Variants in USP46 observed in about 807,000 individuals in gnomAD.
USP46 encodes the protein ubiquitin specific peptidase 46.
A neutral mutation model predicts 44.4 loss-of-function variants in USP46; 12 were observed. The observed-to-expected ratio is 0.27, with a 90% CI of 0.17 to 0.44. USP46 has a LOEUF of 0.44. Ranked by LOEUF, USP46 falls within the 20% of genes least tolerant of loss-of-function variation. The pLI is 1.00. For missense variants in USP46, 248 were observed against 444.8 expected, an observed-to-expected ratio of 0.56 and a Z score of 3.98; for synonymous variants, 155 against 161.5, an observed-to-expected ratio of 0.96 and a Z score of 0.31.
chr4:52,654,931 T>C lies in USP46; in HGVS notation c.36+4184A>G, dbSNP rs186357598. Among the ~76,000 whole-genome samples the C allele has an allele frequency of 3.3e-5, 5 of 152,316 alleles. No individual in the cohort carries two copies. The East Asian group carries it at 7.7e-4, about 23-fold the overall frequency. ...ATGACCAAAAACAGAAAATCAGTTTTACAAGATGAGAAAAACTAAGGTCTC... is the reference window on the plus strand; with the variant it reads ...ATGACCAAAAACAGAAAATCAGTTTCACAAGATGAGAAAAACTAAGGTCTC... On this transcript the variant is annotated intron_variant, in intron 1 of 8. Transcript: ENST00000441222.
intron 6 of USP46, among the ~76,000 whole-genome samples, chr4:52,603,828 G>A (rs1716573127): frequency 1.3e-5 from 2 of 152,078 alleles, no homozygotes; most frequent in African/African-American, 2.4e-5. Flanking sequence ...GGGATCATAG[G>A]CACCTGGCAC....
intron 1 of USP46, among the ~76,000 whole-genome samples, chr4:52,648,118 C>T (rs1197852628): frequency 6.6e-6 from 1 of 152,214 alleles, no homozygotes; most frequent in African/African-American, 2.4e-5. Context: ...GAACATCAAG[C>T]TCTCATACCC....
In USP46 at chr4:52,602,032, T is replaced by C; in HGVS notation, c.745A>G (p.Met249Val). ...QKRMRVKKLP[M>V]ILALHLKRFK... The stretch of plus-strand genomic sequence containing the variant: ...CGCTTTAGGTGCAGGGCCAAGATCA[T>C]GGGCAGCTTTTTTACCCTCATCCTA... The change falls in exon 7 of 9, where the codon ATG (methionine) becomes GTG (valine). Residue 249 changes from methionine to valine, a missense_variant. Met to Val is a conservative substitution (Grantham distance 21). Coordinates refer to ENST00000441222, the MANE Select transcript of USP46 (RefSeq NM_022832.4). The C allele has an allele frequency of 1.2e-6, 2 of 1,613,160 alleles. No homozygotes were observed. The highest frequency in any genetic ancestry group is 8.5e-7 in the Non-Finnish European group (1 of 1,179,526).
chr4:52,603,152 T>C lies in USP46; in HGVS notation c.723-1098A>G, dbSNP rs554900431. Among the ~76,000 whole-genome samples, 31 of 152,334 alleles carry C rather than the reference T, an allele frequency of 2.0e-4. No homozygotes were observed. In the South Asian group the frequency reaches 6.2e-3, roughly 31 times the overall value. ...GAAATAAGAAGTATGGGGAACCCCATGTTTTATGGGAACACATGACATTGC... is the reference window on the plus strand; with the variant it reads ...GAAATAAGAAGTATGGGGAACCCCACGTTTTATGGGAACACATGACATTGC... On this transcript the variant is annotated intron_variant, in intron 6 of 8. Coordinates refer to ENST00000441222, the MANE Select transcript of USP46 (RefSeq NM_022832.4).
intron 3 of USP46, among the ~76,000 whole-genome samples, chr4:52,627,434 C>T (rs901989222): frequency 6.6e-6 from 1 of 152,044 alleles, no homozygotes. Flanking sequence ...ATAGAAAAAC[C>T]AGAAAAATCA....
chr4:52,632,981 AAAGAAAAGAAAAG>A (rs1560406101), intron 1 of USP46, among the ~76,000 whole-genome samples: 65 of 63,348 alleles, frequency 1.0e-3, no homozygotes, highest in African/African-American at 5.2e-3. Flanking sequence ...AGAAAGAAAG[AAAGAAAAGAAAAG>A]AAAGAAAGAA....
In USP46 at chr4:52,610,506, G is replaced by A. The variant is rs369342565; in HGVS notation, c.638+35C>T. The A allele has an allele frequency of 7.5e-6, 12 of 1,592,920 alleles. No individual in the cohort carries two copies. The East Asian group carries it at 2.2e-4, about 30-fold the overall frequency. On this transcript the variant is annotated intron_variant, in intron 5 of 8. Transcript: ENST00000441222. ...TTCTCTCCCACTTAGTTACAAGCCT[G>A]ATCAAAAGCTCAAACTGCCTCAGAG...
In USP46 at chr4:52,595,574, A is replaced by G. The variant is rs1317667252; in HGVS notation, c.*2066T>C. The G allele has an allele frequency of 2.0e-5, 3 of 152,338 alleles. No individual in the cohort carries two copies. The East Asian group carries it at 5.8e-4, about 29-fold the overall frequency. 9.4% of individuals were successfully genotyped at this position (152,338 alleles called of 1,614,324 possible). On this transcript the variant is annotated 3_prime_UTR_variant, in exon 9 of 9. Transcript: ENST00000441222. ...ATTACTTCGATTAAATAACTGGGAAAAACATTTTGCACAACCAAATAGAAA... is the reference window on the plus strand; with the variant it reads ...ATTACTTCGATTAAATAACTGGGAAGAACATTTTGCACAACCAAATAGAAA...
At position 52,604,375 on chromosome 4, in the gene USP46, C is replaced by T. The variant is rs1716593965; in HGVS notation, c.722+126G>A. ...TTTCACTGGTGAGGAGGATAACTGA[C>T]TTCCCCAAGGCTCCATGGCTACAAG... is the stretch of plus-strand genomic sequence containing the variant. On this transcript the variant is annotated intron_variant, in intron 6 of 8. Coordinates refer to ENST00000441222, the MANE Select transcript of USP46 (RefSeq NM_022832.4). The T allele has an allele frequency of 9.6e-6, 7 of 732,246 alleles. 1 individual carries two copies. The South Asian group carries it at 1.3e-4, about 13-fold the overall frequency. 45.4% of individuals were successfully genotyped at this position (732,246 alleles called of 1,614,324 possible). A position where few individuals can be genotyped will look rare whatever the true frequency, so the allele number is the denominator to read the frequency against.
chr4:52,639,074 T>TA (rs1295116488), intron 1 of USP46, among the ~76,000 whole-genome samples: 1 of 152,214 alleles, frequency 6.6e-6, no homozygotes, highest in Non-Finnish European at 1.5e-5. Flanking sequence ...ACTTAGGGCT[T>TA]AAATATGTTA....
At chr4:52,650,650 T>C (rs936395900) in intron 1 of USP46, among the ~76,000 whole-genome samples, 1 of 152,348 alleles carries the variant, frequency 6.6e-6, no homozygotes, top group Non-Finnish European at 1.5e-5. Context: ...ACATTATTTT[T>C]TCATGCTTTT....
intron 4 of USP46, among the ~76,000 whole-genome samples, chr4:52,612,981 T>C (rs1362283910): frequency 2.0e-5 from 3 of 152,276 alleles, no homozygotes; most frequent in Non-Finnish European, 4.4e-5. Context: ...AGCACACCAA[T>C]ACTCCTCCAG....
At chr4:52,602,762 T>G (rs1353931052) in intron 6 of USP46, among the ~76,000 whole-genome samples, 1 of 152,234 alleles carries the variant, frequency 6.6e-6, no homozygotes, top group African/African-American at 2.4e-5. Context: ...ATCCTATGTG[T>G]ACATTACCAG....
chr4:52,652,678 C>T (rs993542962), intron 1 of USP46, among the ~76,000 whole-genome samples: 2 of 151,946 alleles, frequency 1.3e-5, no homozygotes, highest in African/African-American at 4.8e-5. Flanking sequence ...TGAAAAAATA[C>T]ACTATATCTA....
chr4:52,619,264 C>T (rs532312128), intron 4 of USP46, among the ~76,000 whole-genome samples: 1 of 146,636 alleles, frequency 6.8e-6, no homozygotes, highest in East Asian at 2.0e-4. Flanking sequence ...ATTTGCACTG[C>T]AATCATAAGC....
At chr4:52,621,838 T>C (rs941662298) in intron 4 of USP46, among the ~76,000 whole-genome samples, 3 of 152,174 alleles carry the variant, frequency 2.0e-5, no homozygotes, top group Non-Finnish European at 2.9e-5. Context: ...GTAGCAGCAC[T>C]GTCTACAAGC....
At chr4:52,606,548 G>A (rs757888126) in intron 5 of USP46, among the ~76,000 whole-genome samples, 15 of 152,102 alleles carry the variant, frequency 9.9e-5, no homozygotes, top group Non-Finnish European at 1.3e-4. Context: ...TCACTACCAC[G>A]AGAATAGTAT....
intron 2 of USP46, chr4:52,628,435 AG>A (rs1394801100): frequency 8.3e-6 from 3 of 363,482 alleles, no homozygotes; most frequent in Admixed American, 4.0e-5. Flanking sequence ...ACCTCAATAA[AG>A]AGTCTAACGA....
At chr4:52,604,330 G>A (rs899314730) in intron 6 of USP46, among the ~76,000 whole-genome samples, 171 bp downstream of exon 6, 2 of 152,156 alleles carry the variant, frequency 1.3e-5, no homozygotes, top group African/African-American at 4.8e-5. Flanking sequence ...TTCTCTCCAA[G>A]GTCAGCGTTC....
Sources: gnomAD v4.1 joint callset for allele counts (sites outside exome capture counted in the v4.1 genomes callset) on GRCh38, gnomAD v4.1.1 for gene constraint, MANE v1.5 for transcripts, NCBI Gene and HGNC (gene_info 2026-07-23, HGNC 2026-07-21) for gene names.